SPTLC2: variants seen among roughly 807,000 people sequenced by gnomAD.
The protein encoded by SPTLC2 is serine palmitoyltransferase 2.
A neutral mutation model predicts 62.0 loss-of-function variants in SPTLC2; 21 were observed. That is an observed-to-expected ratio of 0.34 (90% CI 0.24 to 0.49). The LOEUF is 0.49. Ranked by LOEUF, SPTLC2 falls within the 20% of genes least tolerant of loss-of-function variation. The pLI is 0.99. For synonymous variants in SPTLC2, 261 were observed against 261.8 expected, an observed-to-expected ratio of 1.00 and a Z score of 0.03; for missense variants, 511 against 713.0, an observed-to-expected ratio of 0.72 and a Z score of 3.23.
chr14:77,600,812 A>G (rs17824984), intron 1 of SPTLC2, among the ~76,000 whole-genome samples: 15,031 of 152,234 alleles, frequency 0.099, 860 homozygotes, highest in Admixed American at 0.18. Context: ...TTTTTCCGAC[A>G]AGACTATAAG....
chr14:77,524,114 A>C (rs2079397678), intron 9 of SPTLC2, among the ~76,000 whole-genome samples: 1 of 152,240 alleles, frequency 6.6e-6, no homozygotes, highest in African/African-American at 2.4e-5. Context: ...ATGATTGCTA[A>C]GGCAACAATG....
At chr14:77,546,221 C>T (rs910533862) in intron 9 of SPTLC2, among the ~76,000 whole-genome samples, 3 of 152,144 alleles carry the variant, frequency 2.0e-5, no homozygotes, top group Admixed American at 2.0e-4. Flanking sequence ...TACATGAGCT[C>T]AAATTTCTCC....
At chr14:77,542,980 G>A (rs1167516749) in intron 9 of SPTLC2, among the ~76,000 whole-genome samples, 1 of 152,190 alleles carries the variant, frequency 6.6e-6, no homozygotes, top group Non-Finnish European at 1.5e-5. Flanking sequence ...CAGAAAAGAG[G>A]CCAAGTGCCT....
rs929858074 is a variant in SPTLC2 at position 77,507,136 on chromosome 14, G to C, written c.*5148C>G. ...TTAGGGTCTTAACCTAGCCCCTTTGGTTTCCTCCCTAGAAAAGAGCTGCTT... is the reference window on the plus strand; with the variant it reads ...TTAGGGTCTTAACCTAGCCCCTTTGCTTTCCTCCCTAGAAAAGAGCTGCTT... On this transcript the variant is annotated 3_prime_UTR_variant, in exon 12 of 12. Transcript: ENST00000216484. 1 of 152,126 alleles carries C rather than the reference G, an allele frequency of 6.6e-6. No individual in the cohort carries two copies. The highest frequency in any genetic ancestry group is 1.5e-5 in the Non-Finnish European group (1 of 68,020). The allele number at this position is 152,126 out of a possible 1,614,324, so 9.4% of individuals were successfully genotyped here.
intron 6 of SPTLC2, among the ~76,000 whole-genome samples, chr14:77,561,189 T>C (rs1236764559): frequency 6.6e-6 from 1 of 151,908 alleles, no homozygotes; most frequent in East Asian, 1.9e-4. Flanking sequence ...AGTAGAAAAA[T>C]TTAGAAACAG....
intron 8 of SPTLC2, among the ~76,000 whole-genome samples, chr14:77,553,948 G>A (rs1336840908): frequency 6.6e-6 from 1 of 151,708 alleles, no homozygotes; most frequent in African/African-American, 2.4e-5. Flanking sequence ...CCCCATAGTT[G>A]GGACTACAGG....
rs2079324172 is a variant in SPTLC2 at position 77,509,960 on chromosome 14, T to TAGCAG, written c.*2319_*2323dup. ...TTCATGCAAGCCAAAATAAAAAGAC[T>TAGCAG]AGCAGGTAAGTTCATTGCTTATAAG... On this transcript the variant is annotated 3_prime_UTR_variant, in exon 12 of 12. Transcript: ENST00000216484. 2 of 398,330 alleles carry TAGCAG rather than the reference T, an allele frequency of 5.0e-6. No individual in the cohort carries two copies. The highest frequency in any genetic ancestry group is 8.9e-6 in the Non-Finnish European group (2 of 225,972). 24.7% of individuals were successfully genotyped at this position (398,330 alleles called of 1,614,324 possible).
chr14:77,591,618 T>G (rs574200731), intron 2 of SPTLC2, among the ~76,000 whole-genome samples: 1 of 152,322 alleles, frequency 6.6e-6, no homozygotes, highest in Admixed American at 6.5e-5. Flanking sequence ...TGGAGTGCAG[T>G]GGTGCAATCT....
At chr14:77,575,071 A>G (rs2079706895) in intron 4 of SPTLC2, among the ~76,000 whole-genome samples, 1 of 152,062 alleles carries the variant, frequency 6.6e-6, no homozygotes, top group Non-Finnish European at 1.5e-5. Flanking sequence ...CACATTAAAA[A>G]ATCAGCTGGG....
At chr14:77,568,278 T>C (rs905858857) in intron 5 of SPTLC2, among the ~76,000 whole-genome samples, 1 of 150,510 alleles carries the variant, frequency 6.6e-6, no homozygotes, top group South Asian at 2.1e-4. Flanking sequence ...TATCTTTGTG[T>C]TATCAATTTC....
chr14:77,596,395 T>C (rs1435833485), intron 2 of SPTLC2, among the ~76,000 whole-genome samples: 1 of 130,150 alleles, frequency 7.7e-6, no homozygotes, highest in African/African-American at 3.0e-5. Context: ...CCCAGCTACT[T>C]GGGAGGCTGA....
At chr14:77,542,425 A>G (rs1272067242) in intron 9 of SPTLC2, among the ~76,000 whole-genome samples, 2 of 152,236 alleles carry the variant, frequency 1.3e-5, no homozygotes, top group Non-Finnish European at 2.9e-5. Flanking sequence ...CAGGCTCTTT[A>G]TAAGCAAAGG....
chr14:77,605,932 T>A (rs2079902480), intron 1 of SPTLC2, among the ~76,000 whole-genome samples: 2 of 152,200 alleles, frequency 1.3e-5, no homozygotes, highest in Non-Finnish European at 2.9e-5. Flanking sequence ...AACTCAGTTG[T>A]TTGGATAGAG....
chr14:77,509,761 C>T lies in SPTLC2; in HGVS notation c.*2523G>A, dbSNP rs2079323089. ...AGAGACAACCAACCATGTATAATGTCTACATAACATTTTGTTCTTTAGAAA... is the reference window on the plus strand; with the variant it reads ...AGAGACAACCAACCATGTATAATGTTTACATAACATTTTGTTCTTTAGAAA... On this transcript the variant is annotated 3_prime_UTR_variant, in exon 12 of 12. Transcript: ENST00000216484. 2.5e-6 allele frequency: 1 copy of T among 396,830 alleles called. No homozygotes were observed. The highest frequency in any genetic ancestry group is 2.1e-5 in the African/African-American group (1 of 48,576). The allele number at this position is 396,830 out of a possible 1,614,324, so 24.6% of individuals were successfully genotyped here.
At chr14:77,520,799 A>C (rs973855700) in intron 10 of SPTLC2, among the ~76,000 whole-genome samples, 14 of 152,012 alleles carry the variant, frequency 9.2e-5, no homozygotes, top group Admixed American at 4.6e-4. Context: ...CCAATAACAC[A>C]CTCTGATAAA....
intron 9 of SPTLC2, among the ~76,000 whole-genome samples, chr14:77,525,790 T>C (rs922324950): frequency 6.6e-5 from 10 of 152,152 alleles, no homozygotes; most frequent in African/African-American, 2.4e-4. Context: ...GGTGGGCGCC[T>C]GTAGTCCCAG....
intron 2 of SPTLC2, among the ~76,000 whole-genome samples, chr14:77,591,202 G>C (rs936494786): frequency 6.6e-6 from 1 of 152,188 alleles, no homozygotes; most frequent in Non-Finnish European, 1.5e-5. Flanking sequence ...CAAGTGAAAG[G>C]AGCCAGACAC....
At chr14:77,525,260 C>T (rs2079403452) in intron 9 of SPTLC2, among the ~76,000 whole-genome samples, 2 of 151,876 alleles carry the variant, frequency 1.3e-5, no homozygotes, top group South Asian at 2.1e-4. Context: ...ACAGCCACTG[C>T]ACTCCAGCCT....
chr14:77,508,288 A>C lies in SPTLC2; in HGVS notation c.*3996T>G, dbSNP rs565893217. 6.6e-6 allele frequency: 1 copy of C among 152,218 alleles called. No individual in the cohort carries two copies. Among genetic ancestry groups the C allele is most frequent in the South Asian group, 2.1e-4 (1 of 4,818 alleles). 9.4% of individuals were successfully genotyped at this position (152,218 alleles called of 1,614,324 possible). On this transcript the variant is annotated 3_prime_UTR_variant, in exon 12 of 12. Transcript: ENST00000216484. ...AGTTTGAAGGAAAACCACTACTCTC[A>C]CCTCTTTTTCTAAGCACACGGTTAT...
Sources: gnomAD v4.1 joint callset for allele counts (sites outside exome capture counted in the v4.1 genomes callset) on GRCh38, gnomAD v4.1.1 for gene constraint, MANE v1.5 for transcripts, NCBI Gene and HGNC (gene_info 2026-07-23, HGNC 2026-07-21) for gene names.